CFAP299: variants seen among roughly 807,000 people sequenced by gnomAD.
CFAP299 encodes the protein cilia and flagella associated protein 299.
In CFAP299, 21 loss-of-function variants were observed where a neutral mutation model predicts 27.0. That is an observed-to-expected ratio of 0.78 (90% CI 0.55 to 1.12). CFAP299 has a LOEUF of 1.12. CFAP299 is among the 50% of genes most tolerant of loss of function. The probability of loss-of-function intolerance (pLI) is 0.00; values close to 1 mark genes in which losing one functional copy is unlikely to be tolerated. For synonymous variants in CFAP299, 104 were observed against 98.1 expected (o/e 1.06, Z -0.36); for missense variants, 310 against 276.6 (o/e 1.12, Z -0.86).
intron 2 of CFAP299, among the ~76,000 whole-genome samples, chr4:80,415,692 T>A (rs1022885400): frequency 6.6e-6 from 1 of 152,170 alleles, no homozygotes; most frequent in East Asian, 1.9e-4. Flanking sequence ...ACCTCAGAAA[T>A]AGATATTTAT....
chr4:80,537,158 T>C (rs1733784311), intron 2 of CFAP299, among the ~76,000 whole-genome samples: 1 of 152,088 alleles, frequency 6.6e-6, no homozygotes, highest in Non-Finnish European at 1.5e-5. Flanking sequence ...GCTTCACAAC[T>C]GTAGAATGGC....
intron 2 of CFAP299, among the ~76,000 whole-genome samples, chr4:80,565,821 A>G (rs971236669): frequency 5.9e-5 from 9 of 152,132 alleles, no homozygotes; most frequent in Admixed American, 5.9e-4. Flanking sequence ...TTTTGAAACT[A>G]TATTTGTGAT....
At chr4:80,858,373 A>G (rs1407815538) in intron 3 of CFAP299, among the ~76,000 whole-genome samples, 3 of 151,824 alleles carry the variant, frequency 2.0e-5, no homozygotes, top group African/African-American at 7.3e-5. Flanking sequence ...TGGATTCATT[A>G]ATTTTTTGAA....
intron 2 of CFAP299, among the ~76,000 whole-genome samples, chr4:80,530,576 C>T (rs889547807): frequency 7.2e-5 from 11 of 151,934 alleles, no homozygotes. Context: ...AAAGATTTAC[C>T]CACTAACAAA....
chr4:80,949,217 G>C (rs1355161172), intron 5 of CFAP299, among the ~76,000 whole-genome samples: 1 of 152,108 alleles, frequency 6.6e-6, no homozygotes, highest in Non-Finnish European at 1.5e-5. Context: ...GAGTCACATG[G>C]GGAGGTGAAG....
chr4:80,596,569 T>C (rs776053065), intron 3 of CFAP299, among the ~76,000 whole-genome samples: 9 of 152,116 alleles, frequency 5.9e-5, no homozygotes, highest in Non-Finnish European at 1.2e-4. Flanking sequence ...ATACTCCCTA[T>C]ACAGTGTCTC....
At chr4:80,609,104 A>C (rs1197041331) in intron 3 of CFAP299, among the ~76,000 whole-genome samples, 12 of 152,058 alleles carry the variant, frequency 7.9e-5, no homozygotes, top group Admixed American at 7.9e-4. Flanking sequence ...ATTTTTTGGA[A>C]AAGTTTCCAA....
chr4:80,442,307 TAA>T (rs1258412644), intron 2 of CFAP299, among the ~76,000 whole-genome samples: 1 of 152,100 alleles, frequency 6.6e-6, no homozygotes, highest in Non-Finnish European at 1.5e-5. Flanking sequence ...TAATTAGAAG[TAA>T]AACACTCCTC....
At chr4:80,747,473 A>G (rs1560731359) in intron 3 of CFAP299, among the ~76,000 whole-genome samples, 1 of 152,082 alleles carries the variant, frequency 6.6e-6, no homozygotes, top group Non-Finnish European at 1.5e-5. Context: ...ATGAATGTAT[A>G]AGAGAGTTAT....
intron 3 of CFAP299, among the ~76,000 whole-genome samples, chr4:80,866,679 A>G (rs1363622805): frequency 1.3e-5 from 2 of 152,152 alleles, no homozygotes; most frequent in Non-Finnish European, 2.9e-5. Context: ...AGGGACCCGC[A>G]CTTATAGTCC....
chr4:80,672,040 G>A (rs1386485984), intron 3 of CFAP299, among the ~76,000 whole-genome samples: 1 of 152,132 alleles, frequency 6.6e-6, no homozygotes, highest in Non-Finnish European at 1.5e-5. Flanking sequence ...CCAACATTAT[G>A]TTGAATAGGA....
intron 3 of CFAP299, among the ~76,000 whole-genome samples, chr4:80,825,107 A>C (rs1010253277): frequency 1.3e-5 from 2 of 152,024 alleles, no homozygotes; most frequent in African/African-American, 2.4e-5. Flanking sequence ...TCTGCAGCTA[A>C]AAAATACAAT....
At chr4:80,774,525 C>T (rs1726411911) in intron 3 of CFAP299, among the ~76,000 whole-genome samples, 1 of 151,676 alleles carries the variant, frequency 6.6e-6, no homozygotes, top group African/African-American at 2.4e-5. Context: ...GGACAAAGAC[C>T]TTAAACAATT....
At chr4:80,786,539 A>G (rs932308087) in intron 3 of CFAP299, among the ~76,000 whole-genome samples, 2 of 152,168 alleles carry the variant, frequency 1.3e-5, no homozygotes, top group Non-Finnish European at 2.9e-5. Flanking sequence ...TATTAATAAA[A>G]GTTTGGCCAA....
chr4:80,719,499 C>T (rs966755191), intron 3 of CFAP299, among the ~76,000 whole-genome samples: 8 of 152,206 alleles, frequency 5.3e-5, no homozygotes, highest in African/African-American at 1.9e-4. Flanking sequence ...GTGAGTTCCA[C>T]ATTCTTGTCA....
chr4:80,840,481 T>G (rs141257044), intron 3 of CFAP299, among the ~76,000 whole-genome samples: 4 of 152,240 alleles, frequency 2.6e-5, no homozygotes, highest in Admixed American at 6.5e-5. Flanking sequence ...CATGGGCAGA[T>G]AAGAAAGATA....
At chr4:80,854,076 A>C (rs1157046687) in intron 3 of CFAP299, among the ~76,000 whole-genome samples, 1 of 152,214 alleles carries the variant, frequency 6.6e-6, no homozygotes, top group Admixed American at 6.5e-5. Flanking sequence ...GAGGTCAGGA[A>C]GAAGAGAAGG....
intron 2 of CFAP299, among the ~76,000 whole-genome samples, chr4:80,433,767 C>T (rs953938574): frequency 6.6e-6 from 1 of 151,822 alleles, no homozygotes; most frequent in East Asian, 1.9e-4. Context: ...AAGAGGATAC[C>T]CAATTAAAAA....
chr4:80,893,712 A>G (rs1216771438), intron 4 of CFAP299, among the ~76,000 whole-genome samples: 1 of 151,924 alleles, frequency 6.6e-6, no homozygotes. Context: ...ATATAAAAAT[A>G]AACAAAATAG....
Sources: gnomAD v4.1 joint callset for allele counts (sites outside exome capture counted in the v4.1 genomes callset) on GRCh38, gnomAD v4.1.1 for gene constraint, MANE v1.5 for transcripts, NCBI Gene and HGNC (gene_info 2026-07-23, HGNC 2026-07-21) for gene names.